MYO18B: variants seen among roughly 807,000 people sequenced by gnomAD.
The protein encoded by MYO18B is unconventional myosin-XVIIIb.
Under a neutral mutation model 273.0 loss-of-function variants are expected in MYO18B, and 204 were observed. The observed-to-expected ratio is 0.75, with a 90% CI of 0.67 to 0.84. MYO18B has a LOEUF of 0.84. Among genes scored for constraint, MYO18B ranks in the 40% least tolerant of loss-of-function variants. The pLI is 0.00. For synonymous variants in MYO18B, 1,330 were observed against 1,305.7 expected, an observed-to-expected ratio of 1.02 and a Z score of -0.40; for missense variants, 3,212 against 3,287.6, an observed-to-expected ratio of 0.98 and a Z score of 0.56.
intron 34 of MYO18B, among the ~76,000 whole-genome samples, chr22:25,932,246 C>G (rs2092513700): frequency 6.6e-6 from 1 of 152,162 alleles, no homozygotes; most frequent in Non-Finnish European, 1.5e-5. Flanking sequence ...CTGGTTCTCT[C>G]TATAAATTTT....
Position 25,839,212 on chromosome 22 carries a change from GTA to G in MYO18B, c.3208+3773_3208+3774del, listed in dbSNP as rs370095854. ...TGTGTTTGTATATGTGTGCACGTGT[GTA>G]TATGTGTGTGTATATATGTATGAGT... On this transcript the variant is annotated intron_variant, in intron 17 of 43. Transcript: ENST00000335473. Among the ~76,000 whole-genome samples, 5 of 151,788 alleles carry G rather than the reference GTA, an allele frequency of 3.3e-5. No individual in the cohort carries two copies. The East Asian group carries it at 7.7e-4, about 24-fold the overall frequency.
chr22:25,760,989 T>C lies in MYO18B; in HGVS notation c.-104T>C. ...ACTGTGTCCCTGTGTGTCAGTTCTG[T>C]GTCCATCTCATGTGCTGCGTGTGTC... On this transcript the variant is annotated 5_prime_UTR_variant, in exon 2 of 44. Transcript: ENST00000335473. 1 of 1,254,418 alleles carries C rather than the reference T, an allele frequency of 8.0e-7. No individual in the cohort carries two copies. 77.7% of individuals were successfully genotyped at this position (1,254,418 alleles called of 1,614,324 possible).
At chr22:25,917,886 T>G (rs1306446732) in intron 33 of MYO18B, among the ~76,000 whole-genome samples, 1 of 152,168 alleles carries the variant, frequency 6.6e-6, no homozygotes, top group African/African-American at 2.4e-5. Flanking sequence ...AATCATAATT[T>G]TTTACTAACA....
chr22:25,838,594 C>T (rs747970620), intron 17 of MYO18B, among the ~76,000 whole-genome samples: 13 of 152,138 alleles, frequency 8.5e-5, no homozygotes, highest in African/African-American at 1.2e-4. Context: ...TTTAGATACA[C>T]GAGTACTTAC....
intron 28 of MYO18B, 162 bp downstream of exon 28, chr22:25,895,442 A>G: frequency 3.9e-6 from 3 of 762,326 alleles, no homozygotes; most frequent in Non-Finnish European, 6.1e-6. Flanking sequence ...AATGCTGGTC[A>G]CTGTGAGACA....
intron 1 of MYO18B, among the ~76,000 whole-genome samples, chr22:25,759,063 A>G (rs573408144): frequency 1.3e-5 from 2 of 152,218 alleles, no homozygotes; most frequent in African/African-American, 4.8e-5. Context: ...TGGGGTGATG[A>G]GAATTTCTAA....
chr22:26,062,612 C>T, the MYO18B span, among the ~76,000 whole-genome samples: 10 of 152,266 alleles, frequency 6.6e-5, no homozygotes, highest in East Asian at 1.9e-3. Flanking sequence ...TTTTATTTTA[C>T]TATTATTAAT....
intron 39 of MYO18B, among the ~76,000 whole-genome samples, chr22:25,973,579 C>T (rs2093058267): frequency 6.6e-6 from 1 of 152,114 alleles, no homozygotes; most frequent in South Asian, 2.1e-4. Flanking sequence ...CCACCAGCCT[C>T]ACAGGGATAT....
At chr22:25,770,496 T>G (rs2145597538) in intron 5 of MYO18B, among the ~76,000 whole-genome samples, 1 of 152,280 alleles carries the variant, frequency 6.6e-6, no homozygotes, top group Admixed American at 6.5e-5. Flanking sequence ...TACTGAGAAG[T>G]GATGCTGAGT....
rs751647810 is a variant in MYO18B, at chr22:25,770,018, C to T, written c.1513-92C>T. ...CCCCAGGAGATTCTGGTTTAGATGG[C>T]TCCAGAGCACACTGTGAGAAACCCC... On this transcript the variant is annotated intron_variant, in intron 4 of 43. Transcript: ENST00000335473. 4.1e-4 allele frequency: 542 copies of T among 1,318,970 alleles called. 2 individuals carry two copies. Among genetic ancestry groups the T allele is most frequent in the Non-Finnish European group, 2.6e-4 (237 of 914,176 alleles). The allele number at this position is 1,318,970 out of a possible 1,614,324, so 81.7% of individuals were successfully genotyped here.
At position 26,027,524 on chromosome 22, in the gene MYO18B, C is replaced by G; in HGVS notation, c.7550C>G (p.Ser2517Cys). The change falls in exon 43 of 44, where the codon TCC becomes TGC. Residue 2517 changes from serine to cysteine, a missense_variant. Transcript: ENST00000335473. The surrounding 1 kb of genome is among the most constrained non-coding windows in gnomAD (Gnocchi z 4.1). ...TCCTCATCCTCCGGCTCCATCGTGTCCTTCAAAAGTGCTGACAGCATCAAA... is the reference window on the plus strand; with the variant it reads ...TCCTCATCCTCCGGCTCCATCGTGTGCTTCAAAAGTGCTGACAGCATCAAA... ...DSSSSSGSIV[S>C]FKSADSIKSR... is the part of the protein sequence containing the mutation. The G allele has an allele frequency of 6.2e-7, 1 of 1,614,014 alleles. No individual in the cohort carries two copies. The highest frequency in any genetic ancestry group is 1.1e-5 in the South Asian group (1 of 91,080).
the MYO18B span, among the ~76,000 whole-genome samples, chr22:26,062,783 T>C: frequency 6.6e-6 from 1 of 152,146 alleles, no homozygotes; most frequent in Non-Finnish European, 1.5e-5. Flanking sequence ...ATCCTTAGAA[T>C]GCAATCCCCA....
intron 34 of MYO18B, among the ~76,000 whole-genome samples, chr22:25,921,702 TTGTGTG>T (rs3070571): frequency 0.013 from 1,878 of 145,682 alleles, 21 homozygotes; most frequent in African/African-American, 0.024. Context: ...AGTGTGCCTG[TTGTGTG>T]TGTGTGTGTG....
At chr22:25,916,953 A>G (rs986819610) in intron 33 of MYO18B, among the ~76,000 whole-genome samples, 2 of 152,076 alleles carry the variant, frequency 1.3e-5, no homozygotes, top group African/African-American at 4.8e-5. Flanking sequence ...AATCACTAGA[A>G]CCCAGGAGGC....
At chr22:25,999,478 G>A (rs545684040) in intron 40 of MYO18B, among the ~76,000 whole-genome samples, 41 of 151,364 alleles carry the variant, frequency 2.7e-4, no homozygotes, top group Admixed American at 1.8e-3. Context: ...TCAACACCCT[G>A]TTTATAAATT....
intron 40 of MYO18B, among the ~76,000 whole-genome samples, chr22:26,001,027 G>A (rs1933903745): frequency 6.6e-6 from 1 of 151,968 alleles, no homozygotes; most frequent in Non-Finnish European, 1.5e-5. Context: ...AGCTAGTAAG[G>A]ATTGCCGATA....
chr22:25,831,182 G>A (rs1285996560), intron 15 of MYO18B, among the ~76,000 whole-genome samples: 8 of 152,102 alleles, frequency 5.3e-5, no homozygotes, highest in Admixed American at 5.2e-4. Flanking sequence ...TTTGTTGTCT[G>A]TCATTTTCCT....
intron 21 of MYO18B, among the ~76,000 whole-genome samples, chr22:25,866,465 T>C (rs2090888795): frequency 6.6e-6 from 1 of 152,190 alleles, no homozygotes; most frequent in African/African-American, 2.4e-5. Flanking sequence ...ATGGGGCTGC[T>C]TTTCCTCCCT....
chr22:25,993,508 T>C (rs1024705469), intron 40 of MYO18B, among the ~76,000 whole-genome samples: 3 of 152,202 alleles, frequency 2.0e-5, no homozygotes, highest in African/African-American at 7.2e-5. Flanking sequence ...GAAGGCTGTT[T>C]TTTTCTGCAG....
Sources: allele counts gnomAD v4.1 joint callset (sites outside exome capture counted in the v4.1 genomes callset), GRCh38; gene constraint gnomAD v4.1.1; non-coding constraint Gnocchi (gnomAD v3.1); transcripts MANE v1.5; gene names NCBI Gene and HGNC (gene_info 2026-07-23, HGNC 2026-07-21).